The following GPM6A variants were observed in gnomAD, a reference collection of about 807,000 sequenced individuals.
The protein encoded by GPM6A is glycoprotein M6A.
In GPM6A, 7 loss-of-function variants were observed where a neutral mutation model predicts 32.1. The observed-to-expected ratio is 0.22, with a 90% confidence interval of 0.12 to 0.41. The LOEUF (loss-of-function observed/expected upper bound fraction) is 0.41. GPM6A is among the 10% of genes least tolerant of loss of function. The pLI is 1.00. For synonymous variants in GPM6A, 130 were observed against 123.4 expected (o/e 1.05, Z -0.35); for missense variants, 235 against 347.2 (o/e 0.68, Z 2.57).
intron 1 of GPM6A, among the ~76,000 whole-genome samples, chr4:175,774,363 A>T (rs139086150): frequency 6.6e-6 from 1 of 152,122 alleles, no homozygotes; most frequent in Non-Finnish European, 1.5e-5. Flanking sequence ...ATTAATAAGC[A>T]TATTAATCTT....
In GPM6A at chr4:175,634,758, A is replaced by G; in HGVS notation, c.*147T>C. The G allele has an allele frequency of 3.5e-6, 2 of 573,732 alleles. No homozygotes were observed. Among genetic ancestry groups the G allele is most frequent in the African/African-American group, 1.9e-5 (1 of 52,754 alleles). 35.5% of individuals were successfully genotyped at this position (573,732 alleles called of 1,614,324 possible). ...TTGGGAAATTTAAGTGCTAAACAAC[A>G]AAGAATTGTACTCAGGTGATTCATA... On this transcript the variant is annotated 3_prime_UTR_variant, in exon 7 of 7. Transcript: ENST00000393658.
In GPM6A at chr4:175,799,392, G is replaced by A. The variant is rs557832436; in HGVS notation, c.37+12799C>T. Among the ~76,000 whole-genome samples the A allele has an allele frequency of 1.1e-4, 17 of 152,214 alleles. 1 individual carries two copies. In the South Asian group the frequency reaches 3.5e-3, roughly 32 times the overall value. On this transcript the variant is annotated intron_variant, in intron 1 of 6. Transcript: ENST00000393658. ...CCTCTTCCAAAACGAGAGGCACTGA[G>A]CTCATAGTTTTTAATGTTCCCCTCT...
At chr4:175,803,170 A>G (rs1032262669) in intron 1 of GPM6A, among the ~76,000 whole-genome samples, 1 of 144,678 alleles carries the variant, frequency 6.9e-6, no homozygotes, top group African/African-American at 2.6e-5. Context: ...TCGTTTCATC[A>G]TCATCATCAT....
chr4:175,787,560 T>C (rs1349651319), intron 1 of GPM6A: 3 of 1,387,922 alleles, frequency 2.2e-6, no homozygotes, highest in Non-Finnish European at 2.8e-6. Flanking sequence ...GATTACATAC[T>C]TGTTGATGAT....
chr4:175,793,377 T>C (rs1734087268), intron 1 of GPM6A, among the ~76,000 whole-genome samples: 1 of 151,842 alleles, frequency 6.6e-6, no homozygotes, highest in Non-Finnish European at 1.5e-5. Flanking sequence ...TTTATTTATT[T>C]ATTTATTTAT....
chr4:175,950,483 A>AATTC (rs1739771148), intron 1 of GPM6A, among the ~76,000 whole-genome samples: 1 of 152,210 alleles, frequency 6.6e-6, no homozygotes, highest in African/African-American at 2.4e-5. Context: ...ACAAAACTTA[A>AATTC]ATATTCCAGG....
intron 1 of GPM6A, among the ~76,000 whole-genome samples, chr4:175,893,889 G>A (rs73010165): frequency 0.014 from 2,156 of 152,104 alleles, 52 homozygotes; most frequent in African/African-American, 0.049. Context: ...AAGAAAAAGC[G>A]ATATAAATTA....
intron 1 of GPM6A, among the ~76,000 whole-genome samples, chr4:175,833,097 T>G (rs530186083): frequency 1.3e-5 from 2 of 152,194 alleles, no homozygotes; most frequent in Non-Finnish European, 2.9e-5. Context: ...AAAGGTAAGA[T>G]TGCTTTCTCA....
At chr4:175,869,780 AC>A (rs113453427) in intron 1 of GPM6A, among the ~76,000 whole-genome samples, 55,187 of 151,268 alleles carry the variant, frequency 0.36, 10,312 homozygotes, top group African/African-American at 0.48. Flanking sequence ...ACAAAAACAA[AC>A]AAAAAAAAAT....
At chr4:175,882,544 T>A (rs1227922701) in intron 1 of GPM6A, among the ~76,000 whole-genome samples, 8 of 152,044 alleles carry the variant, frequency 5.3e-5, no homozygotes, top group Non-Finnish European at 1.0e-4. Flanking sequence ...CTACCATTTT[T>A]AAGAAATGTT....
chr4:175,926,565 G>C (rs1413741676), intron 1 of GPM6A, among the ~76,000 whole-genome samples: 1 of 152,012 alleles, frequency 6.6e-6, no homozygotes, highest in Non-Finnish European at 1.5e-5. Context: ...ATTTAAATAT[G>C]ACAATTTTCT....
intron 1 of GPM6A, chr4:175,906,588 T>C (rs1425182057): frequency 6.6e-6 from 1 of 152,188 alleles, no homozygotes; most frequent in Non-Finnish European, 1.5e-5. Context: ...CAAGCTTGCA[T>C]GTCTGCATGT....
intron 1 of GPM6A, among the ~76,000 whole-genome samples, chr4:175,721,917 T>C (rs1346774470): frequency 6.6e-6 from 1 of 152,204 alleles, no homozygotes; most frequent in East Asian, 1.9e-4. Flanking sequence ...AAAAATGTAT[T>C]CCAGTGATCT....
chr4:175,882,940 T>G (rs1251996621), intron 1 of GPM6A, among the ~76,000 whole-genome samples: 1 of 152,050 alleles, frequency 6.6e-6, no homozygotes, highest in Non-Finnish European at 1.5e-5. Flanking sequence ...GATAAAGGCA[T>G]TCTAAGTAGC....
At chr4:175,857,745 A>G (rs1326634361) in intron 1 of GPM6A, among the ~76,000 whole-genome samples, 1 of 152,116 alleles carries the variant, frequency 6.6e-6, no homozygotes, top group Non-Finnish European at 1.5e-5. Flanking sequence ...AAAAAGAAAA[A>G]AAAAGCTAAA....
At chr4:175,890,849 C>T (rs951978642) in intron 1 of GPM6A, among the ~76,000 whole-genome samples, 1 of 152,130 alleles carries the variant, frequency 6.6e-6, no homozygotes, top group Non-Finnish European at 1.5e-5. Flanking sequence ...AGCCATCACA[C>T]CCCTCTAAGA....
intron 1 of GPM6A, among the ~76,000 whole-genome samples, chr4:175,922,596 C>T (rs1306435225): frequency 3.3e-5 from 5 of 152,096 alleles, no homozygotes; most frequent in South Asian, 2.1e-4. Context: ...GAAAACTTTT[C>T]CAAGGTGGTA....
At chr4:175,746,953 C>T (rs1334843336) in intron 1 of GPM6A, among the ~76,000 whole-genome samples, 1 of 152,062 alleles carries the variant, frequency 6.6e-6, no homozygotes, top group Non-Finnish European at 1.5e-5. Context: ...CATGCACACA[C>T]TGCAATACTC....
chr4:175,877,300 G>A (rs776387534), intron 1 of GPM6A, among the ~76,000 whole-genome samples: 1 of 152,104 alleles, frequency 6.6e-6, no homozygotes, highest in Non-Finnish European at 1.5e-5. Context: ...CTAAATAAAA[G>A]TAATTCTAGA....
Sources: allele counts gnomAD v4.1 joint callset (sites outside exome capture counted in the v4.1 genomes callset), GRCh38; gene constraint gnomAD v4.1.1; transcripts MANE v1.5; gene names NCBI Gene and HGNC (gene_info 2026-07-23, HGNC 2026-07-21).